Variants in PDE4D observed in about 807,000 individuals in gnomAD.
PDE4D encodes 3',5'-cyclic-AMP phosphodiesterase 4D.
PDE4D carries 24 observed loss-of-function variants against 87.4 expected under a neutral mutation model. The ratio of observed to expected loss-of-function variants is 0.27; its 90% CI spans 0.20 to 0.39. The LOEUF (loss-of-function observed/expected upper bound fraction) is 0.39, where lower values mean the gene tolerates loss of function less well. Among genes scored for constraint, PDE4D ranks in the 10% least tolerant of loss-of-function variants. The pLI is 1.00. For missense variants in PDE4D, 714 were observed against 1,041.0 expected (o/e 0.69, Z 4.32); for synonymous variants, 384 against 383.2 (o/e 1.00, Z -0.02).
rs1357711233 is a variant in PDE4D at position 59,668,836 on chromosome 5, AGAG to A, written c.455+224329_455+224331del. Among the ~76,000 whole-genome samples, 10 of 80,776 alleles carry A rather than the reference AGAG, an allele frequency of 1.2e-4. 1 individual carries two copies. Among genetic ancestry groups the A allele is most frequent in the African/African-American group, 4.8e-4 (9 of 18,828 alleles). The allele number at this position is 80,776 out of a possible 152,430, so 53.0% of individuals were successfully genotyped here. The stretch of plus-strand genomic sequence containing the variant: ...AAGAAGAAGAAGAAGAAGAAGAGGA[AGAG>A]GAAGAGGAAGAAGAAGAAGAAGAAG... On this transcript the variant is annotated intron_variant, in intron 1 of 14. Transcript: ENST00000340635.
At chr5:59,447,775 T>C (rs1798559244) in intron 1 of PDE4D, among the ~76,000 whole-genome samples, 1 of 152,238 alleles carries the variant, frequency 6.6e-6, no homozygotes, top group African/African-American at 2.4e-5. Flanking sequence ...CCTGCCCCAC[T>C]GACACCAAGC....
chr5:60,318,416 G>A (rs748360813), intron 1 of PDE4D, among the ~76,000 whole-genome samples: 17 of 152,266 alleles, frequency 1.1e-4, no homozygotes, highest in Non-Finnish European at 1.9e-4. Flanking sequence ...ATAGCACACT[G>A]ATGGGTCTTG....
intron 1 of PDE4D, among the ~76,000 whole-genome samples, chr5:59,530,645 A>T (rs1357716792): frequency 6.6e-6 from 1 of 152,162 alleles, no homozygotes; most frequent in Non-Finnish European, 1.5e-5. Flanking sequence ...CAGATGTGGA[A>T]CCCATGGATA....
At chr5:60,188,974 T>C (rs563038542) in intron 1 of PDE4D, among the ~76,000 whole-genome samples, 12 of 152,300 alleles carry the variant, frequency 7.9e-5, no homozygotes, top group African/African-American at 2.9e-4. Context: ...GATGAAAAGG[T>C]TGACTCTCAG....
intron 1 of PDE4D, among the ~76,000 whole-genome samples, chr5:60,263,297 A>G (rs1749844148): frequency 6.6e-6 from 1 of 152,194 alleles, no homozygotes; most frequent in East Asian, 1.9e-4. Flanking sequence ...TAAAATAATG[A>G]TTTGATTTAT....
At chr5:60,339,085 C>A (rs560963333) in intron 1 of PDE4D, among the ~76,000 whole-genome samples, 1 of 152,288 alleles carries the variant, frequency 6.6e-6, no homozygotes, top group East Asian at 1.9e-4. Context: ...CAAGGTGCAA[C>A]AGCAAAACTG....
intron 5 of PDE4D, among the ~76,000 whole-genome samples, chr5:59,156,318 A>ATAT (rs530343458): frequency 1.1e-3 from 24 of 21,302 alleles, no homozygotes; most frequent in Non-Finnish European, 2.3e-3. Flanking sequence ...AGAAAAAAAA[A>ATAT]AAATATATAT....
chr5:59,055,799 C>T (rs933960972), intron 5 of PDE4D, among the ~76,000 whole-genome samples: 2 of 152,164 alleles, frequency 1.3e-5, no homozygotes, highest in African/African-American at 2.4e-5. Context: ...GAGGTTATGA[C>T]GTGATTCATC....
At chr5:59,314,511 G>C (rs943931537) in intron 1 of PDE4D, 11 of 152,076 alleles carry the variant, frequency 7.2e-5, no homozygotes, top group African/African-American at 2.7e-4. Flanking sequence ...TAAACTCAAG[G>C]CTTCACTGAA....
intron 1 of PDE4D, among the ~76,000 whole-genome samples, chr5:59,450,080 C>T (rs543035978): frequency 2.0e-5 from 3 of 152,178 alleles, no homozygotes; most frequent in African/African-American, 4.8e-5. Context: ...CAGAGCAATG[C>T]CATTTCTGCC....
chr5:59,244,250 T>C (rs1758287212), intron 1 of PDE4D, among the ~76,000 whole-genome samples: 1 of 151,780 alleles, frequency 6.6e-6, no homozygotes. Flanking sequence ...ATTCAAAAAT[T>C]AGTTGGGTGT....
chr5:59,458,544 T>G (rs1490002413), intron 1 of PDE4D, among the ~76,000 whole-genome samples: 1 of 152,192 alleles, frequency 6.6e-6, no homozygotes, highest in Non-Finnish European at 1.5e-5. Context: ...AGGCTCTGTC[T>G]GTGGCTGGAA....
intron 2 of PDE4D, chr5:60,147,989 C>T (rs1781162601): frequency 7.3e-6 from 2 of 274,126 alleles, no homozygotes; most frequent in Non-Finnish European, 1.5e-5. Flanking sequence ...AGAGATCAAC[C>T]CTGATACAAT....
intron 5 of PDE4D, among the ~76,000 whole-genome samples, chr5:59,059,334 T>C (rs1173180645): frequency 1.3e-5 from 2 of 152,140 alleles, no homozygotes; most frequent in Non-Finnish European, 2.9e-5. Flanking sequence ...TGCAGTTGAG[T>C]TAAAAGAAAT....
At chr5:59,129,632 C>T (rs1775985981) in intron 5 of PDE4D, among the ~76,000 whole-genome samples, 1 of 152,048 alleles carries the variant, frequency 6.6e-6, no homozygotes, top group South Asian at 2.1e-4. Flanking sequence ...TTACTTTTTC[C>T]CTATCCCCAA....
At chr5:59,256,469 G>A (rs1760982214) in intron 1 of PDE4D, among the ~76,000 whole-genome samples, 1 of 152,024 alleles carries the variant, frequency 6.6e-6, no homozygotes, top group Non-Finnish European at 1.5e-5. Flanking sequence ...AAAGGATGAA[G>A]AGAATCTGTT....
chr5:59,043,559 T>A (rs1171312685), intron 5 of PDE4D, among the ~76,000 whole-genome samples: 1 of 152,064 alleles, frequency 6.6e-6, no homozygotes, highest in Non-Finnish European at 1.5e-5. Context: ...TGATCCAGAT[T>A]TTTTTTATTA....
intron 1 of PDE4D, among the ~76,000 whole-genome samples, chr5:59,303,906 G>GT (rs1387010080): frequency 6.6e-6 from 1 of 151,974 alleles, no homozygotes; most frequent in African/African-American, 2.4e-5. Context: ...TTTTAGAATT[G>GT]TTTTTTCTAA....
rs367718907 is a variant in PDE4D, at chr5:59,668,309, C to T, written c.455+224859G>A. Among the ~76,000 whole-genome samples the T allele has an allele frequency of 3.0e-4, 45 of 152,326 alleles. 2 individuals carry two copies. In the South Asian group the frequency reaches 9.1e-3, roughly 31 times the overall value. On this transcript the variant is annotated intron_variant, in intron 1 of 14. Transcript: ENST00000340635. ...ATGCTATGCACAGTAGAAAGCCTTA[C>T]TATGATCATCCTCTTTACTGTTACA... is the stretch of plus-strand genomic sequence containing the variant.
Sources: gnomAD v4.1 joint callset for allele counts (sites outside exome capture counted in the v4.1 genomes callset) on GRCh38, gnomAD v4.1.1 for gene constraint, MANE v1.5 for transcripts, NCBI Gene and HGNC (gene_info 2026-07-23, HGNC 2026-07-21) for gene names.